ATRN: variants seen among roughly 807,000 people sequenced by gnomAD.
ATRN encodes the protein attractin-2.
In ATRN, 54 loss-of-function variants were observed where a neutral mutation model predicts 178.7. The observed-to-expected ratio is 0.30, with a 90% CI of 0.24 to 0.38. The LOEUF is 0.38. ATRN is among the 10% of genes least tolerant of loss of function. The pLI is 1.00. For synonymous variants in ATRN, 636 were observed against 663.0 expected (o/e 0.96, Z 0.63); for missense variants, 1,443 against 1,815.1 (o/e 0.79, Z 3.73).
intron 3 of ATRN, among the ~76,000 whole-genome samples, chr20:3,544,372 G>A (rs1264176664): frequency 2.6e-5 from 4 of 152,174 alleles, no homozygotes; most frequent in Non-Finnish European, 1.5e-5. Flanking sequence ...ATTGGTCATC[G>A]TGTACATGAG....
At chr20:3,563,444 T>C (rs1317937124) in intron 10 of ATRN, 81 bp downstream of exon 10, 4 of 1,414,476 alleles carry the variant, frequency 2.8e-6, no homozygotes, top group Non-Finnish European at 2.9e-6. Flanking sequence ...ACTGAAAATA[T>C]TGCCAGTTCA....
chr20:3,556,211 A>G (rs2085874435), intron 6 of ATRN, among the ~76,000 whole-genome samples: 1 of 152,230 alleles, frequency 6.6e-6, no homozygotes, highest in African/African-American at 2.4e-5. Flanking sequence ...TCACTGAAGA[A>G]AAGAACCTAA....
chr20:3,606,523 C>T (rs1205945496), intron 24 of ATRN, among the ~76,000 whole-genome samples: 1 of 152,170 alleles, frequency 6.6e-6, no homozygotes, highest in East Asian at 1.9e-4. Context: ...GCAGTTGCTG[C>T]CTGGACAGCC....
chr20:3,554,990 C>CTTTTTTT lies in ATRN; in HGVS notation c.1113-4379_1113-4373dup, dbSNP rs536209701. On this transcript the variant is annotated intron_variant, in intron 6 of 28. Coordinates refer to ENST00000262919, the MANE Select transcript of ATRN (RefSeq NM_139321.3). ...TGGAACACCAAGTGTGACCTGACCT[C>CTTTTTTT]TTTTTTTTTTTTTTTTTTTTTTTTT... 7.3e-4 allele frequency among the ~76,000 whole-genome samples: 49 copies of CTTTTTTT among 67,488 alleles called. 3 individuals are homozygous for CTTTTTTT. Among genetic ancestry groups the CTTTTTTT allele is most frequent in the African/African-American group, 1.5e-3 (22 of 14,248 alleles). The allele number at this position is 67,488 out of a possible 152,430, so 44.3% of individuals were successfully genotyped here.
intron 27 of ATRN, among the ~76,000 whole-genome samples, chr20:3,643,273 G>A (rs941132755): frequency 2.0e-5 from 3 of 152,152 alleles, no homozygotes; most frequent in Non-Finnish European, 4.4e-5. Context: ...TGTCTCTCTC[G>A]GCAGAGAACC....
At position 3,638,992 on chromosome 20, in the gene ATRN, A is replaced by C; in HGVS notation, c.4050+57A>C. ...TGACTTTTTAAAACTTAGGCTCCTAAGTCTGGGAAACCAGAGAGAGCAAAA... is the reference window on the plus strand; with the variant it reads ...TGACTTTTTAAAACTTAGGCTCCTACGTCTGGGAAACCAGAGAGAGCAAAA... On this transcript the variant is annotated intron_variant, in intron 27 of 28. Transcript: ENST00000262919. The surrounding 1 kb of genome is among the most constrained non-coding windows in gnomAD (Gnocchi z 4.5). 1 of 1,421,098 alleles carries C rather than the reference A, an allele frequency of 7.0e-7. No homozygotes were observed. The highest frequency in any genetic ancestry group is 9.8e-7 in the Non-Finnish European group (1 of 1,025,492). 88.0% of individuals were successfully genotyped at this position (1,421,098 alleles called of 1,614,324 possible).
chr20:3,532,108 G>T (rs2085461101), intron 1 of ATRN, among the ~76,000 whole-genome samples: 1 of 152,132 alleles, frequency 6.6e-6, no homozygotes, highest in African/African-American at 2.4e-5. Context: ...TCCAGCCTGG[G>T]TGTCAGTGTG....
At chr20:3,519,153 T>A (rs1280327300) in intron 1 of ATRN, among the ~76,000 whole-genome samples, 3 of 152,046 alleles carry the variant, frequency 2.0e-5, no homozygotes, top group Non-Finnish European at 2.9e-5. Context: ...AGCACCCATT[T>A]ATGTAGTGTG....
At chr20:3,483,026 C>G (rs868765727) in intron 1 of ATRN, among the ~76,000 whole-genome samples, 1 of 152,138 alleles carries the variant, frequency 6.6e-6, no homozygotes, top group Non-Finnish European at 1.5e-5. Context: ...GTTACCACCC[C>G]TTCTTAATCC....
chr20:3,547,056 C>G (rs1325529827), intron 4 of ATRN, among the ~76,000 whole-genome samples: 1 of 152,136 alleles, frequency 6.6e-6, no homozygotes, highest in Non-Finnish European at 1.5e-5. Context: ...TATTCTTATC[C>G]TCTTATTATG....
At chr20:3,603,516 T>G (rs1193575950) in intron 23 of ATRN, among the ~76,000 whole-genome samples, 1 of 151,378 alleles carries the variant, frequency 6.6e-6, no homozygotes, top group Non-Finnish European at 1.5e-5. Flanking sequence ...TGAGACGGAA[T>G]TTCGCTCTTA....
At chr20:3,519,693 A>G (rs1002734752) in intron 1 of ATRN, among the ~76,000 whole-genome samples, 10 of 152,202 alleles carry the variant, frequency 6.6e-5, no homozygotes, top group Admixed American at 1.3e-4. Flanking sequence ...TAAAGAACCC[A>G]TCTGTGTAAC....
Position 3,592,255 on chromosome 20 carries a change from C to T in ATRN, c.3322+949C>T, listed in dbSNP as rs569218578. 6.4e-3 allele frequency among the ~76,000 whole-genome samples: 966 copies of T among 152,036 alleles called. 2 individuals are homozygous for T. Among genetic ancestry groups the T allele is most frequent in the Admixed American group, 0.01 (160 of 15,284 alleles). ...TCTCTACTAAAAATAGAAAAATTAG[C>T]TGGGCATGGTGGCGGGGGCCTGTAA... is the stretch of plus-strand genomic sequence containing the variant. On this transcript the variant is annotated intron_variant, in intron 19 of 28. Coordinates refer to ENST00000262919, the MANE Select transcript of ATRN (RefSeq NM_139321.3).
In ATRN at chr20:3,595,598, C is replaced by T. The variant is rs530070352; in HGVS notation, c.3417-779C>T. On this transcript the variant is annotated intron_variant, in intron 20 of 28. Transcript: ENST00000262919. ...ATTCCCTTAAACAGAAAAATGTCAT[C>T]GAGCAAAATTAATCACTCTTACCCT... 1.8e-4 allele frequency among the ~76,000 whole-genome samples: 27 copies of T among 152,264 alleles called. 1 individual carries two copies. The highest frequency in any genetic ancestry group is 6.5e-4 in the African/African-American group (27 of 41,544).
chr20:3,519,765 G>A (rs1336854580), intron 1 of ATRN, among the ~76,000 whole-genome samples: 2 of 152,072 alleles, frequency 1.3e-5, no homozygotes, highest in Non-Finnish European at 2.9e-5. Context: ...AAAAGGAAAC[G>A]GATGGATGTG....
At chr20:3,627,188 GT>G (rs1351384945) in intron 25 of ATRN, among the ~76,000 whole-genome samples, 1 of 152,156 alleles carries the variant, frequency 6.6e-6, no homozygotes, top group African/African-American at 2.4e-5. Context: ...GTGCTTCGAG[GT>G]TATAGCTGTA....
chr20:3,584,578 A>G, intron 17 of ATRN, 69 bp from the exon 18 acceptor site: 1 of 1,155,732 alleles, frequency 8.7e-7, no homozygotes, highest in Non-Finnish European at 1.2e-6. Flanking sequence ...TAGTCTGTTA[A>G]AAAAAAAGTA....
rs2085385505 is a variant in ATRN at position 3,527,613 on chromosome 20, CAT to C, written c.411-7639_411-7638del. Among the ~76,000 whole-genome samples the C allele has an allele frequency of 1.3e-5, 2 of 152,212 alleles. 1 individual carries two copies. Among genetic ancestry groups the C allele is most frequent in the South Asian group, 4.1e-4 (2 of 4,828 alleles). ...TATAAATCATTCTGCTGTAAAGACA[CAT>C]GCACACATATGTTTATTGCAGCACT... On this transcript the variant is annotated intron_variant, in intron 1 of 28. Coordinates refer to ENST00000262919, the MANE Select transcript of ATRN (RefSeq NM_139321.3).
Position 3,547,228 on chromosome 20 carries a change from T to A in ATRN, c.738-56T>A, listed in dbSNP as rs1251017835. On this transcript the variant is annotated intron_variant, in intron 4 of 28. Transcript: ENST00000262919. ...AAACTTGTGTGGGAGGAAGTTATGC[T>A]AAGTTAATGGAAGCGTTGCGTTGTG... is the stretch of plus-strand genomic sequence containing the variant. 7 of 1,360,568 alleles carry A rather than the reference T, an allele frequency of 5.1e-6. 1 individual carries two copies. In the Middle Eastern group the frequency reaches 1.0e-3, roughly 196 times the overall value. The allele number at this position is 1,360,568 out of a possible 1,614,324, so 84.3% of individuals were successfully genotyped here.
Sources: gnomAD v4.1 joint callset for allele counts (sites outside exome capture counted in the v4.1 genomes callset) on GRCh38, gnomAD v4.1.1 for gene constraint, Gnocchi (gnomAD v3.1) non-coding constraint, MANE v1.5 for transcripts, NCBI Gene and HGNC (gene_info 2026-07-23, HGNC 2026-07-21) for gene names.